The following SLC2A14 variants were observed in gnomAD, a reference collection of about 807,000 sequenced individuals.
The protein encoded by SLC2A14 is solute carrier family 2, facilitated glucose transporter member 14.
Under a neutral mutation model 43.0 loss-of-function variants are expected in SLC2A14, and 13 were observed. The observed-to-expected ratio is 0.30, with a 90% CI of 0.20 to 0.48. The LOEUF is 0.48. SLC2A14 is among the 20% of genes least tolerant of loss of function. The pLI is 0.99. For missense variants in SLC2A14, 428 were observed against 620.4 expected, an observed-to-expected ratio of 0.69 and a Z score of 3.29; for synonymous variants, 190 against 233.8, an observed-to-expected ratio of 0.81 and a Z score of 1.71.
intron 2 of SLC2A14, among the ~76,000 whole-genome samples, chr12:7,846,636 T>A (rs772732242): frequency 3.0e-4 from 14 of 46,182 alleles, no homozygotes; most frequent in Middle Eastern, 0.01. Flanking sequence ...ATATTCATAA[T>A]TTTTTTTTTT....
intron 1 of SLC2A14, among the ~76,000 whole-genome samples, chr12:7,883,412 G>A (rs1945626185): frequency 3.3e-5 from 5 of 149,942 alleles, no homozygotes; most frequent in African/African-American, 1.2e-4. Context: ...GATTACAGGC[G>A]CCCGCCACCA....
At chr12:7,824,914 C>T (rs780800130) in intron 7 of SLC2A14, among the ~76,000 whole-genome samples, 44 of 151,550 alleles carry the variant, frequency 2.9e-4, no homozygotes, top group Admixed American at 5.9e-4. Flanking sequence ...AGGCTGGTCT[C>T]GAACTCCTGA....
Position 7,821,139 on chromosome 12 carries a change from G to A in SLC2A14, c.969+82C>T, listed in dbSNP as rs146352151. 27 of 1,030,938 alleles carry A rather than the reference G, an allele frequency of 2.6e-5. No homozygotes were observed. In the African/African-American group the frequency reaches 2.7e-4, roughly 10 times the overall value. 63.9% of individuals were successfully genotyped at this position (1,030,938 alleles called of 1,614,324 possible). A position where few individuals can be genotyped will look rare whatever the true frequency, so the allele number is the denominator to read the frequency against. ...AACAAAAAAGGTGTAACTAAATAAC[G>A]GTGGAGCCATGCAATCCATCTTTGA... On this transcript the variant is annotated intron_variant, in intron 8 of 10. Transcript: ENST00000431042.
rs958303258 is a variant in SLC2A14, at chr12:7,841,411, T to C, written c.19-8597A>G. ...AAGCAGCTGGGATTACAGGCACCCATCACCATGCCCGGCTAATTTTTGTAT... is the reference window on the plus strand; with the variant it reads ...AAGCAGCTGGGATTACAGGCACCCACCACCATGCCCGGCTAATTTTTGTAT... On this transcript the variant is annotated intron_variant, in intron 2 of 10. Coordinates refer to ENST00000431042, the MANE Select transcript of SLC2A14 (RefSeq NM_001286234.2). Among the ~76,000 whole-genome samples the C allele has an allele frequency of 2.6e-5, 4 of 152,044 alleles. 1 individual carries two copies. Among genetic ancestry groups the C allele is most frequent in the Middle Eastern group, 6.8e-3 (2 of 294 alleles).
chr12:7,883,401 G>C (rs941368594), intron 1 of SLC2A14, among the ~76,000 whole-genome samples: 10 of 149,958 alleles, frequency 6.7e-5, no homozygotes, highest in African/African-American at 2.2e-4. Context: ...TGAGTAGCTG[G>C]GATTACAGGC....
chr12:7,817,193 G>A (rs893306493), intron 10 of SLC2A14, among the ~76,000 whole-genome samples: 8 of 150,476 alleles, frequency 5.3e-5, no homozygotes, highest in African/African-American at 7.3e-5. Context: ...TCAGCTCACC[G>A]CAACCTCTGC....
intron 2 of SLC2A14, among the ~76,000 whole-genome samples, chr12:7,858,872 G>C (rs993024862): frequency 1.3e-5 from 2 of 152,092 alleles, no homozygotes; most frequent in African/African-American, 4.8e-5. Flanking sequence ...TCATAGCTAA[G>C]AAATCATTAC....
intron 9 of SLC2A14, 51 bp from the exon 10 acceptor site, chr12:7,818,085 G>T: frequency 1.3e-6 from 2 of 1,550,098 alleles, no homozygotes; most frequent in Non-Finnish European, 1.7e-6. Context: ...GTGTAACCCA[G>T]GATCTAGGTT....
At chr12:7,864,023 A>G (rs2889502) in intron 2 of SLC2A14, among the ~76,000 whole-genome samples, 59,721 of 151,022 alleles carry the variant, frequency 0.4, 11,879 homozygotes, top group East Asian at 0.56. Context: ...TCACTGTGGT[A>G]GCCAGGATGG....
intron 2 of SLC2A14, among the ~76,000 whole-genome samples, chr12:7,840,721 G>T (rs1865882287): frequency 2.0e-5 from 3 of 152,174 alleles, no homozygotes; most frequent in Admixed American, 2.0e-4. Flanking sequence ...AACAAACTTA[G>T]ACAGAGGGTA....
At chr12:7,819,707 AT>A in intron 8 of SLC2A14, 124 bp from the exon 9 acceptor site, 1 of 828,310 alleles carries the variant, frequency 1.2e-6, no homozygotes, top group Non-Finnish European at 1.7e-6. Flanking sequence ...GTGATTTATG[AT>A]TTTATATACA....
chr12:7,818,668 C>CA (rs1863679436), intron 9 of SLC2A14, among the ~76,000 whole-genome samples: 1 of 146,710 alleles, frequency 6.8e-6, no homozygotes, highest in African/African-American at 2.5e-5. Context: ...TCTCAAAAAA[C>CA]AAAAAACAAA....
upstream of SLC2A14, among the ~76,000 whole-genome samples, chr12:7,876,280 C>CAAAAAAAAAAAAAAAAAAAAAAAAAAA (rs59935166): frequency 1.5e-5 from 1 of 68,208 alleles, no homozygotes; most frequent in African/African-American, 5.8e-5. Context: ...AACTCCATCT[C>CAAAAAAAAAAAAAAAAAAAAAAAAAAA]AAAAAAAAAA....
rs779513662 is a variant in SLC2A14, at chr12:7,827,690, AAAG to A, written c.677-11_677-9del. Reference sequence around the variant, plus strand: ...CCCACAACCGCTGGAGGACTGGTGAAAAGAAGAAAGAGGAAAGGATAAAGAGAA... The same window carrying A: ...CCCACAACCGCTGGAGGACTGGTGAAAAGAAAGAGGAAAGGATAAAGAGAA... On this transcript the variant is annotated splice_polypyrimidine_tract_variant and intron_variant, in intron 6 of 10. Coordinates refer to ENST00000431042, the MANE Select transcript of SLC2A14 (RefSeq NM_001286234.2). The A allele has an allele frequency of 1.4e-6, 2 of 1,428,074 alleles. No individual in the cohort carries two copies. Among genetic ancestry groups the A allele is most frequent in the Non-Finnish European group, 1.8e-6 (2 of 1,100,818 alleles). 88.5% of individuals were successfully genotyped at this position (1,428,074 alleles called of 1,614,324 possible).
Position 7,817,397 on chromosome 12 carries a change from G to A in SLC2A14, c.1275+434C>T, listed in dbSNP as rs190679568. Among the ~76,000 whole-genome samples the A allele has an allele frequency of 2.1e-3, 320 of 152,186 alleles. 2 individuals carry two copies. The highest frequency in any genetic ancestry group is 7.0e-3 in the African/African-American group (293 of 41,570). ...CCCAAAGTGCTGGGATTACAGGAGT[G>A]AGCCACCTCGCCCAGCCTGACTACT... On this transcript the variant is annotated intron_variant, in intron 10 of 10. Coordinates refer to ENST00000431042, the MANE Select transcript of SLC2A14 (RefSeq NM_001286234.2).
intron 7 of SLC2A14, 64 bp from the exon 8 acceptor site, chr12:7,821,389 A>T: frequency 7.0e-7 from 1 of 1,423,028 alleles, no homozygotes; most frequent in Non-Finnish European, 9.9e-7. Flanking sequence ...AGAACCCTCA[A>T]AAAATACTTA....
chr12:7,854,815 A>T (rs1867221020), intron 2 of SLC2A14, among the ~76,000 whole-genome samples: 1 of 147,490 alleles, frequency 6.8e-6, no homozygotes, highest in South Asian at 2.1e-4. Flanking sequence ...TTATTATTTT[A>T]TTTTTTATTT....
intron 2 of SLC2A14, among the ~76,000 whole-genome samples, chr12:7,850,059 C>T (rs913635103): frequency 1.3e-5 from 2 of 148,548 alleles, no homozygotes; most frequent in South Asian, 2.1e-4. Flanking sequence ...CCAAGAATCA[C>T]GAGATTTTAT....
At position 7,827,542 on chromosome 12, in the gene SLC2A14, T is replaced by C. The variant is rs138350618; in HGVS notation, c.817A>G (p.Ile273Val). 1 of 1,612,632 alleles carries C rather than the reference T, an allele frequency of 6.2e-7. No individual in the cohort carries two copies. Among genetic ancestry groups the C allele is most frequent in the Non-Finnish European group, 8.5e-7 (1 of 1,179,768 alleles). ...TGAGAGAGCTGGAGCACAATGGAAA[T>C]GATGATGGGCTGTCGGTAGCTGGAC... The part of the protein sequence containing the change: ...RVSSYRQPII[I>V]SIVLQLSQQL... Residue 273 changes from isoleucine (I) to valine (V), a missense_variant, in exon 7 of 11, where the codon ATT becomes GTT. Ile to Val is a conservative substitution (Grantham distance 29). Transcript: ENST00000431042.
Sources: gnomAD v4.1 joint callset for allele counts (sites outside exome capture counted in the v4.1 genomes callset) on GRCh38, gnomAD v4.1.1 for gene constraint, MANE v1.5 for transcripts, NCBI Gene and HGNC (gene_info 2026-07-23, HGNC 2026-07-21) for gene names.